Variants in ITPR1 observed in about 807,000 individuals in gnomAD.
ITPR1 encodes inositol 1,4,5-trisphosphate receptor type 1, also known as inositol 1,4,5-trisphosphate-gated calcium channel ITPR1.
Under a neutral mutation model 318.4 loss-of-function variants are expected in ITPR1, and 96 were observed. That is an observed-to-expected ratio of 0.30 (90% CI 0.26 to 0.36). The LOEUF (loss-of-function observed/expected upper bound fraction) is 0.36. Among genes scored for constraint, ITPR1 ranks in the 10% least tolerant of loss-of-function variants. The pLI is 1.00. For missense variants in ITPR1, 2,440 were observed against 3,460.2 expected, an observed-to-expected ratio of 0.71 and a Z score of 7.40; for synonymous variants, 1,312 against 1,289.9, an observed-to-expected ratio of 1.02 and a Z score of -0.37.
At chr3:4,820,021 T>A (rs151150074) in intron 60 of ITPR1, among the ~76,000 whole-genome samples, 175 of 151,934 alleles carry the variant, frequency 1.2e-3, no homozygotes, top group African/African-American at 3.9e-3. Context: ...ACCGGGAGGG[T>A]GCTGGTGATT....
intron 39 of ITPR1, among the ~76,000 whole-genome samples, chr3:4,715,444 A>G (rs1192541733): frequency 6.6e-6 from 1 of 152,246 alleles, no homozygotes; most frequent in Non-Finnish European, 1.5e-5. Flanking sequence ...TGATTGTCCC[A>G]AGGTCATCCA....
At chr3:4,806,388 G>C in intron 55 of ITPR1, 121 bp downstream of exon 55, 2 of 984,986 alleles carry the variant, frequency 2.0e-6, no homozygotes, top group Non-Finnish European at 3.1e-6. Flanking sequence ...CACCAAGATT[G>C]AAGCTCCACA....
At chr3:4,759,910 C>A (rs567956405) in intron 44 of ITPR1, among the ~76,000 whole-genome samples, 25 of 152,316 alleles carry the variant, frequency 1.6e-4, no homozygotes, top group East Asian at 1.4e-3. Flanking sequence ...CAGCCACTGC[C>A]GGGGTCACTG....
chr3:4,609,924 G>T (rs979887046), intron 4 of ITPR1, among the ~76,000 whole-genome samples: 3 of 152,180 alleles, frequency 2.0e-5, no homozygotes, highest in Admixed American at 2.0e-4. Flanking sequence ...AGCAGGACAC[G>T]TGAGGAAAAG....
chr3:4,498,397 G>A, intron 2 of ITPR1, among the ~76,000 whole-genome samples: 1 of 152,164 alleles, frequency 6.6e-6, no homozygotes, highest in East Asian at 1.9e-4. Flanking sequence ...TGAGATAGGA[G>A]TGTTTGTGAC....
intron 37 of ITPR1, among the ~76,000 whole-genome samples, chr3:4,707,147 T>G (rs989801173): frequency 1.3e-5 from 2 of 152,184 alleles, no homozygotes; most frequent in Admixed American, 1.3e-4. Context: ...AGCACCTACC[T>G]CGTGGGGTTG....
rs540818757 is a variant in ITPR1, at chr3:4,725,552, C to G, written c.5143C>G (p.Pro1715Ala). 1.9e-6 allele frequency: 3 copies of G among 1,599,228 alleles called. No homozygotes were observed. In the South Asian group the frequency reaches 3.3e-5, roughly 18 times the overall value. Residue 1715 changes from proline to alanine, a missense_variant, in exon 41 of 62, where the codon CCA becomes GCA. Around this residue, in one of 23 missense-constraint regions of ITPR1, gnomAD observed 166 missense variants for 143.7 expected, o/e 1.16. Coordinates refer to ENST00000649015, the MANE Select transcript of ITPR1 (RefSeq NM_001378452.1). ...IDELDNAELP[P>A]APDSENATEE... is the part of the protein sequence containing the mutation. ...TCGTTTTACTCCCAATTAGCTTCCT[C>G]CAGCTCCGGATTCTGAGAACGCCAC...
intron 4 of ITPR1, among the ~76,000 whole-genome samples, chr3:4,603,652 T>A (rs915311704): frequency 6.6e-6 from 1 of 152,108 alleles, no homozygotes; most frequent in Admixed American, 6.5e-5. Flanking sequence ...ATGGTCTTGA[T>A]TTCCTGACCT....
At chr3:4,827,259 T>C (rs573707688) in intron 60 of ITPR1, among the ~76,000 whole-genome samples, 1 of 152,184 alleles carries the variant, frequency 6.6e-6, no homozygotes. Context: ...ACTACATTTG[T>C]AACTCCCCTG....
intron 2 of ITPR1, among the ~76,000 whole-genome samples, chr3:4,512,951 AGAGCC>A (rs5846324): frequency 0.65 from 97,750 of 151,270 alleles, 31,768 homozygotes; most frequent in East Asian, 0.8. Flanking sequence ...GCTTGTCAGC[AGAGCC>A]GAGCCCTCGG....
intron 4 of ITPR1, among the ~76,000 whole-genome samples, chr3:4,606,730 A>G (rs1294262992): frequency 2.6e-5 from 4 of 152,170 alleles, no homozygotes; most frequent in Non-Finnish European, 2.9e-5. Context: ...TTAACCTTTT[A>G]TCTGTAGCTA....
intron 40 of ITPR1, among the ~76,000 whole-genome samples, chr3:4,719,942 A>G (rs540467982): frequency 5.9e-5 from 9 of 152,216 alleles, no homozygotes; most frequent in African/African-American, 2.2e-4. Flanking sequence ...GAGGAGAGAG[A>G]GAAACTCCTC....
chr3:4,667,442 C>T lies in ITPR1; in HGVS notation c.1779C>T (p.Asp593=). Residue 593 remains aspartate (D), a synonymous_variant, in exon 18 of 62, where the codon GAC becomes GAT. Coordinates refer to ENST00000649015, the MANE Select transcript of ITPR1 (RefSeq NM_001378452.1). ...TTGGCTATGATGTGTTGGCTGAAGA[C>T]ACTATCACTGCCCTGCTCCACAATA... ...KQIGYDVLAE[D]TITALLHNNR... is the part of the protein sequence containing the mutation. The T allele has an allele frequency of 6.2e-7, 1 of 1,613,586 alleles. No homozygotes were observed. The highest frequency in any genetic ancestry group is 1.3e-5 in the African/African-American group (1 of 75,042).
chr3:4,650,006 C>A (rs1001280784), intron 10 of ITPR1, among the ~76,000 whole-genome samples: 1 of 152,178 alleles, frequency 6.6e-6, no homozygotes, highest in African/African-American at 2.4e-5. Flanking sequence ...ACATTTAGAC[C>A]ATACCAGATA....
intron 2 of ITPR1, among the ~76,000 whole-genome samples, chr3:4,508,708 G>T (rs1336343292): frequency 1.3e-5 from 2 of 152,090 alleles, no homozygotes; most frequent in Non-Finnish European, 2.9e-5. Context: ...AGTGGAAGAG[G>T]TTCTAAATAC....
chr3:4,710,462 T>G lies in ITPR1; in HGVS notation c.4980T>G (p.Gly1660=), dbSNP rs1574963500. 6.4e-7 allele frequency: 1 copy of G among 1,552,638 alleles called. No homozygotes were observed. The highest frequency in any genetic ancestry group is 2.4e-5 in the East Asian group (1 of 41,086). Residue 1660 remains glycine (G), a synonymous_variant, in exon 38 of 62, where the codon GGT becomes GGG. Coordinates refer to ENST00000649015, the MANE Select transcript of ITPR1 (RefSeq NM_001378452.1). The surrounding 1 kb of genome is among the most constrained non-coding windows in gnomAD (Gnocchi z 4.2). Reference sequence around the variant, plus strand: ...CCAGAAGGAAATGTGAAAGTGGCGGTTTCATTTGCAAGTAAGCGGCCTCTC... The same window carrying G: ...CCAGAAGGAAATGTGAAAGTGGCGGGTTCATTTGCAAGTAAGCGGCCTCTC... The part of the protein sequence containing the change: ...TDARRKCESG[G]FICKLIKHTK...
rs2094474908 is a variant in ITPR1 at position 4,691,256 on chromosome 3, G to A, written c.3941G>A (p.Arg1314Gln). 1.2e-6 allele frequency: 2 copies of A among 1,612,882 alleles called. No individual in the cohort carries two copies. The highest frequency in any genetic ancestry group is 2.2e-5 in the South Asian group (2 of 90,922). ...GTTCACTGCATAGAGACTCACGGTC[G>A]GAATGTCCAGTATATAAAGTTCTTA... ...HFVHCIETHG[R>Q]NVQYIKFLQT... Residue 1314 changes from arginine (R) to glutamine (Q), a missense_variant, in exon 32 of 62, where the codon CGG becomes CAG. Coordinates refer to ENST00000649015, the MANE Select transcript of ITPR1 (RefSeq NM_001378452.1).
intron 2 of ITPR1, among the ~76,000 whole-genome samples, chr3:4,510,381 C>G (rs1298528132): frequency 6.6e-6 from 1 of 151,868 alleles, no homozygotes; most frequent in Non-Finnish European, 1.5e-5. Flanking sequence ...ATGTTGTATG[C>G]CGAATAGATT....
At chr3:4,543,517 A>C (rs1295605314) in intron 4 of ITPR1, among the ~76,000 whole-genome samples, 5 of 152,246 alleles carry the variant, frequency 3.3e-5, no homozygotes, top group African/African-American at 1.2e-4. Flanking sequence ...GATGGTAATC[A>C]AGGGATAAAG....
Sources: gnomAD v4.1 joint callset for allele counts (sites outside exome capture counted in the v4.1 genomes callset) on GRCh38, gnomAD v4.1.1 for gene constraint, gnomAD v4.1.1 regional missense constraint, Gnocchi (gnomAD v3.1) non-coding constraint, MANE v1.5 for transcripts, NCBI Gene and HGNC (gene_info 2026-07-23, HGNC 2026-07-21) for gene names.